The following STK10 variants were observed in gnomAD, a reference collection of about 807,000 sequenced individuals.
The protein encoded by STK10 is serine/threonine kinase 10, also known as serine/threonine-protein kinase 10.
A neutral mutation model predicts 113.8 loss-of-function variants in STK10; 78 were observed. That is an observed-to-expected ratio of 0.69 (90% CI 0.57 to 0.83). The LOEUF (loss-of-function observed/expected upper bound fraction) is 0.83, where lower values mean the gene tolerates loss of function less well. Among genes scored for constraint, STK10 ranks in the 40% least tolerant of loss-of-function variants. The pLI is 0.00. For missense variants in STK10, 1,109 were observed against 1,280.1 expected, an observed-to-expected ratio of 0.87 and a Z score of 2.04; for synonymous variants, 465 against 494.7, an observed-to-expected ratio of 0.94 and a Z score of 0.80.
intron 10 of STK10, among the ~76,000 whole-genome samples, chr5:172,088,129 C>T (rs991185092): frequency 5.3e-5 from 8 of 152,100 alleles, no homozygotes; most frequent in Admixed American, 2.0e-4. Flanking sequence ...CAGATGGTCT[C>T]GAACTCCTGG....
Position 172,187,776 on chromosome 5 carries a change from A to G in STK10, c.156+111T>C. 2.7e-6 allele frequency: 4 copies of G among 1,469,772 alleles called. No homozygotes were observed. The highest frequency in any genetic ancestry group is 3.7e-6 in the Non-Finnish European group (4 of 1,094,510). The allele number at this position is 1,469,772 out of a possible 1,614,324, so 91.0% of individuals were successfully genotyped here. On this transcript the variant is annotated intron_variant, in intron 1 of 18. Coordinates refer to ENST00000176763, the MANE Select transcript of STK10 (RefSeq NM_005990.4). This position sits in a 1 kb window ranked among gnomAD's most constrained non-coding sequence, Gnocchi z 4.6. ...GATGAGGGCCAGGGACCCCGAATTC[A>G]GCGCCGGGCAGCCCTCGGAGCCGGA...
At chr5:172,061,719 G>C (rs1389021556) in intron 13 of STK10, 1 of 154,338 alleles carries the variant, frequency 6.5e-6, no homozygotes, top group Non-Finnish European at 1.4e-5. Context: ...CAAAGTGCTG[G>C]GATTACAGGA....
At chr5:172,109,326 C>CTTT in intron 4 of STK10, among the ~76,000 whole-genome samples, 1 of 143,706 alleles carries the variant, frequency 7.0e-6, no homozygotes, top group South Asian at 2.2e-4. Context: ...TAAATGAACA[C>CTTT]TTTTTTTTTT....
At chr5:172,089,110 G>T (rs1226369009) in intron 10 of STK10, among the ~76,000 whole-genome samples, 1 of 152,144 alleles carries the variant, frequency 6.6e-6, no homozygotes, top group Non-Finnish European at 1.5e-5. Context: ...TAAACAAGCT[G>T]AGTAGTTATC....
intron 10 of STK10, among the ~76,000 whole-genome samples, chr5:172,085,941 GCCC>G (rs1561801196): frequency 6.6e-6 from 1 of 151,906 alleles, no homozygotes; most frequent in African/African-American, 2.4e-5. Flanking sequence ...TCACAGAACT[GCCC>G]CCCAAGAGCA....
At chr5:172,117,679 G>A (rs1561814748) in intron 3 of STK10, 49 bp from the exon 4 acceptor site, 1 of 1,604,330 alleles carries the variant, frequency 6.2e-7, no homozygotes, top group Non-Finnish European at 8.5e-7. Context: ...CTGGACACAG[G>A]AAACTGAAAT....
chr5:172,098,284 T>C (rs1203080689), intron 7 of STK10, among the ~76,000 whole-genome samples: 1 of 152,210 alleles, frequency 6.6e-6, no homozygotes, highest in Non-Finnish European at 1.5e-5. Flanking sequence ...AACAAGAGAA[T>C]TCCAGATCTT....
chr5:172,180,444 G>A (rs111828009), intron 1 of STK10, among the ~76,000 whole-genome samples: 3 of 151,036 alleles, frequency 2.0e-5, no homozygotes, highest in East Asian at 2.0e-4. Context: ...CAGCCTGGGC[G>A]ACAGAGCAAG....
At chr5:172,140,925 C>T (rs971287296) in intron 2 of STK10, among the ~76,000 whole-genome samples, 2 of 152,056 alleles carry the variant, frequency 1.3e-5, no homozygotes, top group African/African-American at 4.8e-5. Context: ...CAATGGATCC[C>T]TATTCTGCCT....
Position 172,158,282 on chromosome 5 carries a change from C to CAA in STK10, c.157-1496_157-1495dup, listed in dbSNP as rs70982372. On this transcript the variant is annotated intron_variant, in intron 1 of 18. Transcript: ENST00000176763. ...GCAATTCTGCTCATAGGTATATACCCAAAAAAAAAAGCTCAAAGCAAGGAC... is the reference window on the plus strand; with the variant it reads ...GCAATTCTGCTCATAGGTATATACCCAAAAAAAAAAAAGCTCAAAGCAAGGAC... Among the ~76,000 whole-genome samples, 958 of 145,078 alleles carry CAA rather than the reference C, an allele frequency of 6.6e-3. 13 individuals carry two copies. Among genetic ancestry groups the CAA allele is most frequent in the African/African-American group, 0.024 (923 of 39,110 alleles).
At chr5:172,048,756 A>G (rs180810613) in intron 18 of STK10, among the ~76,000 whole-genome samples, 7 of 152,166 alleles carry the variant, frequency 4.6e-5, no homozygotes, top group Non-Finnish European at 7.4e-5. Context: ...CATGAGTCAG[A>G]CCACCTTGTC....
intron 2 of STK10, among the ~76,000 whole-genome samples, chr5:172,138,079 T>C (rs1294880792): frequency 6.6e-6 from 1 of 151,956 alleles, no homozygotes; most frequent in South Asian, 2.1e-4. Context: ...GGCAACAAAA[T>C]GAAATAAAAG....
chr5:172,054,363 T>A (rs1239494534), intron 17 of STK10, among the ~76,000 whole-genome samples: 1 of 151,896 alleles, frequency 6.6e-6, no homozygotes, highest in Non-Finnish European at 1.5e-5. Context: ...ATTTTAGGGG[T>A]GTGAGAGCTA....
chr5:172,154,763 A>G (rs962454686), intron 2 of STK10, among the ~76,000 whole-genome samples: 2 of 152,222 alleles, frequency 1.3e-5, no homozygotes, highest in African/African-American at 4.8e-5. Context: ...CTGGTTTTCC[A>G]GCTCTGCCAC....
At position 172,060,969 on chromosome 5, in the gene STK10, C is replaced by T. The variant is rs181172022; in HGVS notation, c.2212+170G>A. 2.8e-3 allele frequency among the ~76,000 whole-genome samples: 420 copies of T among 152,318 alleles called. 2 individuals carry two copies. Among genetic ancestry groups the T allele is most frequent in the African/African-American group, 9.5e-3 (395 of 41,568 alleles). On this transcript the variant is annotated intron_variant, in intron 14 of 18. Coordinates refer to ENST00000176763, the MANE Select transcript of STK10 (RefSeq NM_005990.4). ...TTGGTGACAACTGGTGTCCTTACCT[C>T]GTTCCTTACTTCAAGTGGGGCTTTT... is the stretch of plus-strand genomic sequence containing the variant.
intron 3 of STK10, among the ~76,000 whole-genome samples, chr5:172,123,916 T>C (rs1297308875): frequency 1.3e-5 from 2 of 152,090 alleles, no homozygotes; most frequent in Non-Finnish European, 1.5e-5. Flanking sequence ...ATCAAGTCCA[T>C]ATCACAACTC....
chr5:172,127,273 G>T, intron 3 of STK10, 100 bp downstream of exon 3: 1 of 1,303,462 alleles, frequency 7.7e-7, no homozygotes, highest in East Asian at 2.4e-5. Flanking sequence ...GAATGGGAGA[G>T]TGGAGGTCCC....
At chr5:172,108,072 T>C in intron 4 of STK10, 1 of 453,054 alleles carries the variant, frequency 2.2e-6, no homozygotes, top group Non-Finnish European at 3.9e-6. Flanking sequence ...GGCAGCAGCC[T>C]TCAGGAAAGC....
intron 15 of STK10, chr5:172,056,967 G>GA (rs1379070849): frequency 1.1e-5 from 1 of 92,982 alleles, no homozygotes; most frequent in Admixed American, 1.1e-4. Context: ...AAGAAAGAAA[G>GA]AAAGAAAGAA....
Sources: gnomAD v4.1 joint callset for allele counts (sites outside exome capture counted in the v4.1 genomes callset) on GRCh38, gnomAD v4.1.1 for gene constraint, Gnocchi (gnomAD v3.1) non-coding constraint, MANE v1.5 for transcripts, NCBI Gene and HGNC (gene_info 2026-07-23, HGNC 2026-07-21) for gene names.